CSRNP2: variants seen among roughly 807,000 people sequenced by gnomAD.
CSRNP2 encodes cysteine and serine rich nuclear protein 2.
A neutral mutation model predicts 36.6 loss-of-function variants in CSRNP2; 11 were observed. The observed-to-expected ratio is 0.30, with a 90% confidence interval of 0.19 to 0.50. The LOEUF (loss-of-function observed/expected upper bound fraction) is 0.50, where lower values mean the gene tolerates loss of function less well. Among genes scored for constraint, CSRNP2 ranks in the 20% least tolerant of loss-of-function variants. The pLI, the probability that CSRNP2 is intolerant of heterozygous loss-of-function variation, is 0.98. For synonymous variants in CSRNP2, 248 were observed against 275.3 expected, an observed-to-expected ratio of 0.90 and a Z score of 0.98; for missense variants, 483 against 691.4, an observed-to-expected ratio of 0.70 and a Z score of 3.38.
At position 51,076,463 on chromosome 12, in the gene CSRNP2, A is replaced by G. The variant is rs373119896; in HGVS notation, c.99T>C (p.Asp33=). The G allele has an allele frequency of 6.2e-7, 1 of 1,613,938 alleles. No homozygotes were observed. Among genetic ancestry groups the G allele is most frequent in the African/African-American group, 1.3e-5 (1 of 74,884 alleles). ...TGAGGCTGTCGCAGCTGTCAGCACT[A>G]TCACTGCTGGAGATCTCATCATCTG... is the stretch of plus-strand genomic sequence containing the variant. The part of the protein sequence containing the change: ...SNSDDEISSS[D]SADSCDSLNP... The change falls in exon 2 of 5, where the codon GAT becomes GAC. Residue 33 remains aspartate (D), a synonymous_variant. Transcript: ENST00000228515.
chr12:51,068,518 C>G (rs1160283186), intron 3 of CSRNP2, among the ~76,000 whole-genome samples: 3 of 152,128 alleles, frequency 2.0e-5, no homozygotes, highest in Admixed American at 2.0e-4. Flanking sequence ...AAGAATAAAT[C>G]CAGAGTGGGA....
chr12:51,064,918 C>G, intron 4 of CSRNP2, among the ~76,000 whole-genome samples: 1 of 152,234 alleles, frequency 6.6e-6, no homozygotes, highest in South Asian at 2.1e-4. Flanking sequence ...ATTTATCTCT[C>G]TAGGGCTTTG....
At chr12:51,076,373 G>T (rs548990741) in intron 2 of CSRNP2, 38 bp downstream of exon 2, 1 of 1,604,806 alleles carries the variant, frequency 6.2e-7, no homozygotes, top group South Asian at 1.1e-5. Context: ...GCTGCTTGGG[G>T]AATGTGGGTA....
intron 3 of CSRNP2, among the ~76,000 whole-genome samples, chr12:51,069,815 C>G (rs1938905121): frequency 6.6e-6 from 1 of 151,458 alleles, no homozygotes; most frequent in Non-Finnish European, 1.5e-5. Flanking sequence ...GCCTTAGCCT[C>G]CCGAGTAGTT....
At position 51,063,781 on chromosome 12, in the gene CSRNP2, C is replaced by A; in HGVS notation, c.1597G>T (p.Glu533Ter). The A allele has an allele frequency of 6.3e-7, 1 of 1,585,038 alleles. No homozygotes were observed. The highest frequency in any genetic ancestry group is 8.6e-7 in the Non-Finnish European group (1 of 1,165,326). ...AGAGGGAGTTCTAAGGAAGAATCTT[C>A]AGGGGGCCGATCCTCATTCTGCTGG... ...TSQQNEDRPP[E>*]DSSLELPLAV Residue 533 changes from glutamate (E) to a stop codon, truncating the protein, a stop_gained, in exon 5 of 5, where the codon GAA (glutamate) becomes TAA (stop). Coordinates refer to ENST00000228515, the MANE Select transcript of CSRNP2 (RefSeq NM_030809.3). LOFTEE classifies it high-confidence loss of function.
In CSRNP2 at chr12:51,076,349, C is replaced by T. The variant is rs150106801; in HGVS notation, c.151+62G>A. ...CAAGCCACACAGACGCTGTCTCGAG[C>T]TGCCATGGGTTCTGCTGCTTGGGGA... On this transcript the variant is annotated intron_variant, in intron 2 of 4. Coordinates refer to ENST00000228515, the MANE Select transcript of CSRNP2 (RefSeq NM_030809.3). The T allele has an allele frequency of 2.2e-5, 34 of 1,564,046 alleles. No homozygotes were observed. In the South Asian group the frequency reaches 2.5e-4, roughly 12 times the overall value.
At chr12:51,072,011 A>G (rs1939181039) in intron 3 of CSRNP2, among the ~76,000 whole-genome samples, 1 of 152,148 alleles carries the variant, frequency 6.6e-6, no homozygotes, top group Non-Finnish European at 1.5e-5. Context: ...TCAGAGAAAG[A>G]AAGGAATGAG....
intron 2 of CSRNP2, among the ~76,000 whole-genome samples, chr12:51,076,035 G>C (rs1939384701): frequency 6.6e-6 from 1 of 151,942 alleles, no homozygotes; most frequent in Admixed American, 6.6e-5. Context: ...TGGGCAACAA[G>C]AGCAAAACGA....
chr12:51,083,494 C>G lies in CSRNP2; in HGVS notation c.-242G>C, dbSNP rs1939722667. 1 of 152,286 alleles carries G rather than the reference C, an allele frequency of 6.6e-6. No individual in the cohort carries two copies. The highest frequency in any genetic ancestry group is 2.4e-5 in the African/African-American group (1 of 41,468). 9.4% of individuals were successfully genotyped at this position (152,286 alleles called of 1,614,324 possible). A position where few individuals can be genotyped will look rare whatever the true frequency, so the allele number is the denominator to read the frequency against. ...AGGGCGGCAGGGCGGGGAGGGAGGG[C>G]GGTGGGCAGCCCAGCCGGCAGGCAG... On this transcript the variant is annotated 5_prime_UTR_variant, in exon 1 of 5. Coordinates refer to ENST00000228515, the MANE Select transcript of CSRNP2 (RefSeq NM_030809.3).
intron 2 of CSRNP2, 68 bp from the exon 3 acceptor site, chr12:51,074,150 C>T: frequency 6.6e-7 from 1 of 1,507,102 alleles, no homozygotes; most frequent in Non-Finnish European, 8.9e-7. Flanking sequence ...TGGAGTCTCG[C>T]TCTGTTGCCC....
At chr12:51,080,116 A>G (rs1939575946) in intron 1 of CSRNP2, among the ~76,000 whole-genome samples, 12 of 135,264 alleles carry the variant, frequency 8.9e-5, no homozygotes, top group Admixed American at 1.5e-4. Flanking sequence ...GGGAGGGAAG[A>G]GAAGAAGGCA....
In CSRNP2 at chr12:51,074,039, A is replaced by C. The variant is rs140071191; in HGVS notation, c.195T>G (p.Asn65Lys). The C allele has an allele frequency of 1.3e-3, 2,066 of 1,614,234 alleles. 8 individuals are homozygous for C. The highest frequency in any genetic ancestry group is 2.1e-3 in the South Asian group (187 of 91,086). The change falls in exon 3 of 5, where the codon AAT (asparagine) becomes AAG (lysine). Residue 65 changes from asparagine (N) to lysine (K), a missense_variant. Physicochemically the swap from Asn to Lys is moderately conservative, Grantham distance 94. Around this residue, in one of 2 missense-constraint regions of CSRNP2, gnomAD observed 206 missense variants for 367.8 expected, o/e 0.56. Coordinates refer to ENST00000228515, the MANE Select transcript of CSRNP2 (RefSeq NM_030809.3). ...ATACAGTCACCTGGTCAAAGCGTACATTCTTCCTCCGCAGCTGCTTCTGCC... is the reference window on the plus strand; with the variant it reads ...ATACAGTCACCTGGTCAAAGCGTACCTTCTTCCTCCGCAGCTGCTTCTGCC... The part of the protein sequence containing the change: ...LKRQKQLRRK[N>K]VRFDQVTVYY...
In CSRNP2 at chr12:51,080,262, G is replaced by C. The variant is rs189471608; in HGVS notation, c.-87+3077C>G. Among the ~76,000 whole-genome samples, 5 of 152,184 alleles carry C rather than the reference G, an allele frequency of 3.3e-5. No homozygotes were observed. In the East Asian group the frequency reaches 9.6e-4, roughly 29 times the overall value. On this transcript the variant is annotated intron_variant, in intron 1 of 4. Transcript: ENST00000228515. Reference sequence around the variant, plus strand: ...CCTGTTCTTTCCTCAGGTGTCCCCAGGCTTCTGGTAGTATCTCCGGTGAAT... The same window carrying C: ...CCTGTTCTTTCCTCAGGTGTCCCCACGCTTCTGGTAGTATCTCCGGTGAAT...
chr12:51,073,838 A>G lies in CSRNP2; in HGVS notation c.396T>C (p.His132=). 2 of 1,613,672 alleles carry G rather than the reference A, an allele frequency of 1.2e-6. No individual in the cohort carries two copies. The highest frequency in any genetic ancestry group is 1.7e-6 in the Non-Finnish European group (2 of 1,179,908). Residue 132 remains histidine, a synonymous_variant, in exon 3 of 5, where the codon CAT becomes CAC. Transcript: ENST00000228515. ...LREHLKEEKL[H]AKKMKLTKNG... ...ACTTAGGCACCTTCATTTTCTTGGC[A>G]TGGAGTTTCTCTTCCTTCAGGTGCT...
intron 3 of CSRNP2, among the ~76,000 whole-genome samples, chr12:51,073,557 C>T (rs1056814248): frequency 2.6e-5 from 4 of 151,622 alleles, no homozygotes; most frequent in Non-Finnish European, 5.9e-5. Context: ...CATGGCAAAA[C>T]CCTGTCTCTA....
rs1344921301 is a variant in CSRNP2, at chr12:51,083,503, G to C, written c.-251C>G. On this transcript the variant is annotated 5_prime_UTR_variant, in exon 1 of 5. Transcript: ENST00000228515. ...GGGCGGGGAGGGAGGGCGGTGGGCA[G>C]CCCAGCCGGCAGGCAGAGAGGGCCG... is the stretch of plus-strand genomic sequence containing the variant. 6.6e-6 allele frequency: 1 copy of C among 152,320 alleles called. No individual in the cohort carries two copies. The highest frequency in any genetic ancestry group is 2.4e-5 in the African/African-American group (1 of 41,468). The allele number at this position is 152,320 out of a possible 1,614,324, so 9.4% of individuals were successfully genotyped here. A position where few individuals can be genotyped will look rare whatever the true frequency, so the allele number is the denominator to read the frequency against.
intron 3 of CSRNP2, among the ~76,000 whole-genome samples, chr12:51,073,470 A>C (rs1460033103): frequency 6.6e-6 from 1 of 151,566 alleles, no homozygotes; most frequent in Non-Finnish European, 1.5e-5. Context: ...AGTGGCTCAC[A>C]CCTGTAGTCT....
At chr12:51,066,053 C>T (rs1463095017) in intron 4 of CSRNP2, among the ~76,000 whole-genome samples, 1 of 152,212 alleles carries the variant, frequency 6.6e-6, no homozygotes, top group East Asian at 1.9e-4. Flanking sequence ...GGCACGGTGG[C>T]TCATGCCTGT....
chr12:51,075,952 G>A (rs1041652520), intron 2 of CSRNP2, among the ~76,000 whole-genome samples: 1 of 152,314 alleles, frequency 6.6e-6, no homozygotes, highest in East Asian at 1.9e-4. Context: ...GGGGAGGCCT[G>A]AAGCAGGAGA....
Sources: gnomAD v4.1 joint callset for allele counts (sites outside exome capture counted in the v4.1 genomes callset) on GRCh38, gnomAD v4.1.1 for gene constraint, gnomAD v4.1.1 regional missense constraint, MANE v1.5 for transcripts, NCBI Gene and HGNC (gene_info 2026-07-23, HGNC 2026-07-21) for gene names.